Variants in ACAA2 observed in about 807,000 individuals in gnomAD.
ACAA2 encodes the protein acetyl-CoA acyltransferase 2.
In ACAA2, 35 loss-of-function variants were observed where a neutral mutation model predicts 44.8. That is an observed-to-expected ratio of 0.78 (90% confidence interval 0.60 to 1.04). ACAA2 has a LOEUF of 1.04. Among genes scored for constraint, ACAA2 ranks in the 50% least tolerant of loss-of-function variants. The pLI is 0.00. For synonymous variants in ACAA2, 142 were observed against 166.5 expected (o/e 0.85, Z 1.13); for missense variants, 468 against 482.6 (o/e 0.97, Z 0.28).
intron 7 of ACAA2, among the ~76,000 whole-genome samples, chr18:49,789,307 A>T (rs544669): frequency 0.43 from 65,295 of 151,844 alleles, 14,709 homozygotes; most frequent in Middle Eastern, 0.56. Flanking sequence ...TAGATACTTA[A>T]TAACTTATTC....
At chr18:49,784,597 T>A (rs80068204) in intron 9 of ACAA2, among the ~76,000 whole-genome samples, 12,790 of 152,056 alleles carry the variant, frequency 0.084, 665 homozygotes, top group African/African-American at 0.15. Flanking sequence ...TAACAGGGAG[T>A]CAGAGTAATT....
chr18:49,787,344 T>C lies in ACAA2; in HGVS notation c.901A>G (p.Ser301Gly). The change falls in exon 8 of 10, where the codon AGT becomes GGT. Residue 301 changes from serine (S) to glycine (G), a missense_variant. By Grantham distance (56) the Ser-to-Gly change is moderately conservative. Transcript: ENST00000285093. ...IMGIGPVPAI[S>G]GALKKAGLSL... ...AGTCCTGCTTTCTTCAGTGCCCCAC[T>C]GATAGCAGGGACAGGACCTATATAA... is the stretch of plus-strand genomic sequence containing the variant. 6.8e-7 allele frequency: 1 copy of C among 1,467,112 alleles called. No individual in the cohort carries two copies. Among genetic ancestry groups the C allele is most frequent in the Non-Finnish European group, 9.0e-7 (1 of 1,110,162 alleles). 90.9% of individuals were successfully genotyped at this position (1,467,112 alleles called of 1,614,324 possible).
rs572199184 is a variant in ACAA2 at position 49,791,576 on chromosome 18, A to G, written c.777T>C (p.Ala259=). ...NASGVADGAG[A]VIIASEDAVK... Reference sequence around the variant, plus strand: ...CAGCATCTTCACTAGCTATGATAACAGCTCCAGCACCATCAGCTACACCCT... The same window carrying G: ...CAGCATCTTCACTAGCTATGATAACGGCTCCAGCACCATCAGCTACACCCT... The change falls in exon 7 of 10, where the codon GCT becomes GCC. Residue 259 remains alanine (A), a synonymous_variant. Coordinates refer to ENST00000285093, the MANE Select transcript of ACAA2 (RefSeq NM_006111.3). The G allele has an allele frequency of 1.2e-6, 2 of 1,613,648 alleles. No homozygotes were observed. Among genetic ancestry groups the G allele is most frequent in the Admixed American group, 3.3e-5 (2 of 60,026 alleles).
At chr18:49,792,742 A>C (rs2023420068) in intron 5 of ACAA2, among the ~76,000 whole-genome samples, 1 of 152,174 alleles carries the variant, frequency 6.6e-6, no homozygotes, top group Non-Finnish European at 1.5e-5. Context: ...CACCACGCTC[A>C]GCCTGAGTCT....
rs200488758 is a variant in ACAA2 at position 49,784,302 on chromosome 18, G to T, written c.1110-371C>A. On this transcript the variant is annotated intron_variant, in intron 9 of 9. Transcript: ENST00000285093. Reference sequence around the variant, plus strand: ...TGGATAAATGGGAAGCTGGGGAAGGGGATGAACATTAAGCTCCTTTGATTT... The same window carrying T: ...TGGATAAATGGGAAGCTGGGGAAGGTGATGAACATTAAGCTCCTTTGATTT... 2.0e-5 allele frequency among the ~76,000 whole-genome samples: 3 copies of T among 152,116 alleles called. No homozygotes were observed. In the East Asian group the frequency reaches 5.8e-4, roughly 29 times the overall value.
intron 7 of ACAA2, among the ~76,000 whole-genome samples, chr18:49,787,992 T>TTA: frequency 6.6e-6 from 1 of 152,286 alleles, no homozygotes; most frequent in East Asian, 1.9e-4. Context: ...ACGAGGCACT[T>TTA]CAGGGAAGGT....
chr18:49,792,313 A>T lies in ACAA2; in HGVS notation c.592T>A (p.Tyr198Asn), dbSNP rs149436920. Residue 198 changes from tyrosine (Y) to asparagine (N), a missense_variant, in exon 6 of 10, where the codon TAC becomes AAC. Physicochemically the swap from Tyr to Asn is moderately radical, Grantham distance 143 (BLOSUM62 -2). Transcript: ENST00000285093. The part of the protein sequence containing the change: ...QRWKAANDAG[Y>N]FNDEMAPIEV... ...ATTGGTGCCATTTCATCATTAAAGTAGCCAGCATCATTAGCTGAAAAATAG... is the reference window on the plus strand; with the variant it reads ...ATTGGTGCCATTTCATCATTAAAGTTGCCAGCATCATTAGCTGAAAAATAG... The T allele has an allele frequency of 3.1e-3, 4,956 of 1,613,410 alleles. 163 individuals are homozygous for T. In the South Asian group the frequency reaches 0.051, roughly 17 times the overall value.
At chr18:49,805,400 C>T (rs2023599765) in intron 1 of ACAA2, among the ~76,000 whole-genome samples, 1 of 152,130 alleles carries the variant, frequency 6.6e-6, no homozygotes, top group South Asian at 2.1e-4. Context: ...CAGTTTTTTA[C>T]AGATACAAAT....
chr18:49,787,230 C>CTATAAAAGTACATGGTT, intron 8 of ACAA2, 61 bp downstream of exon 8: 1 of 1,210,520 alleles, frequency 8.3e-7, no homozygotes, highest in East Asian at 3.7e-5. Flanking sequence ...GTCATTTATG[C>CTATAAAAGTACATGGTT]TATAAAAGTA....
At position 49,783,413 on chromosome 18, in the gene ACAA2, T is replaced by TA. The variant is rs1382022450; in HGVS notation, c.*433dup. ...TACTTAATACCAGTGAATTGTACGCTAAAAAAGGGTTAAGATGGTAAAGTT... is the reference window on the plus strand; with the variant it reads ...TACTTAATACCAGTGAATTGTACGCTAAAAAAAGGGTTAAGATGGTAAAGTT... On this transcript the variant is annotated 3_prime_UTR_variant, in exon 10 of 10. Transcript: ENST00000285093. 2 of 155,168 alleles carry TA rather than the reference T, an allele frequency of 1.3e-5. No homozygotes were observed. The highest frequency in any genetic ancestry group is 4.8e-5 in the African/African-American group (2 of 41,482). The allele number at this position is 155,168 out of a possible 1,614,324, so 9.6% of individuals were successfully genotyped here.
intron 1 of ACAA2, among the ~76,000 whole-genome samples, chr18:49,807,904 A>G (rs2023626533): frequency 6.6e-6 from 1 of 152,076 alleles, no homozygotes; most frequent in Non-Finnish European, 1.5e-5. Context: ...ACAGACTAGG[A>G]GAAAATATTT....
rs1216325824 is a variant in ACAA2 at position 49,783,057 on chromosome 18, T to A, written c.*790A>T. 6.6e-6 allele frequency: 1 copy of A among 152,234 alleles called. No individual in the cohort carries two copies. The highest frequency in any genetic ancestry group is 1.9e-4 in the East Asian group (1 of 5,202). The allele number at this position is 152,234 out of a possible 1,614,324, so 9.4% of individuals were successfully genotyped here. The stretch of plus-strand genomic sequence containing the variant: ...AAAATAAAGGATGAAAGATGGCCTT[T>A]AAGCTGGGAAGAAGGAAGTAAGGTT... On this transcript the variant is annotated 3_prime_UTR_variant, in exon 10 of 10. Transcript: ENST00000285093.
intron 7 of ACAA2, among the ~76,000 whole-genome samples, chr18:49,788,241 A>AGAAT (rs1228943653): frequency 6.6e-6 from 1 of 152,234 alleles, no homozygotes; most frequent in Non-Finnish European, 1.5e-5. Context: ...TTGTTCTTAA[A>AGAAT]GAATGAAACT....
chr18:49,786,773 ATCAC>A (rs1161473559), intron 8 of ACAA2, among the ~76,000 whole-genome samples: 3 of 152,204 alleles, frequency 2.0e-5, no homozygotes, highest in African/African-American at 7.2e-5. Flanking sequence ...TTAAAAAGAA[ATCAC>A]TCAATAAATT....
intron 9 of ACAA2, among the ~76,000 whole-genome samples, chr18:49,784,940 T>G (rs1322975661): frequency 6.6e-6 from 1 of 152,130 alleles, no homozygotes; most frequent in Non-Finnish European, 1.5e-5. Context: ...GAACACAAGC[T>G]GAGTGGGGCA....
At chr18:49,801,812 A>ATATCTATATATC (rs1555790826) in intron 2 of ACAA2, among the ~76,000 whole-genome samples, 3 of 143,312 alleles carry the variant, frequency 2.1e-5, no homozygotes, top group African/African-American at 7.8e-5. Flanking sequence ...ATATATATAT[A>ATATCTATATATC]TATCTTATCT....
intron 1 of ACAA2, among the ~76,000 whole-genome samples, chr18:49,805,987 A>G (rs1470520835): frequency 1.3e-5 from 2 of 152,098 alleles, no homozygotes; most frequent in Non-Finnish European, 2.9e-5. Context: ...CTATGCTCCT[A>G]TCTGACCAAC....
In ACAA2 at chr18:49,802,747, C is replaced by T. The variant is rs2023569446; in HGVS notation, c.123G>A (p.Leu41=). ...TTTCAGGTGAGACTTTGCCAGCAGACAAGGCAGCCTTGGCAGCAAATTCAG... is the reference window on the plus strand; with the variant it reads ...TTTCAGGTGAGACTTTGCCAGCAGATAAGGCAGCCTTGGCAGCAAATTCAG... ...DLSEFAAKAA[L]SAGKVSPETV... is the part of the protein sequence containing the mutation. The change falls in exon 2 of 10, where the codon TTG becomes TTA. Residue 41 remains leucine, a synonymous_variant. Transcript: ENST00000285093. 1 of 1,614,124 alleles carries T rather than the reference C, an allele frequency of 6.2e-7. No homozygotes were observed. The highest frequency in any genetic ancestry group is 8.5e-7 in the Non-Finnish European group (1 of 1,180,028).
intron 5 of ACAA2, among the ~76,000 whole-genome samples, chr18:49,793,887 C>T (rs1338818552): frequency 6.6e-6 from 1 of 151,980 alleles, no homozygotes; most frequent in Non-Finnish European, 1.5e-5. Flanking sequence ...AATACATTAC[C>T]CCTTCTTATG....
Sources: allele counts gnomAD v4.1 joint callset (sites outside exome capture counted in the v4.1 genomes callset), GRCh38; gene constraint gnomAD v4.1.1; transcripts MANE v1.5; gene names NCBI Gene and HGNC (gene_info 2026-07-23, HGNC 2026-07-21).